HSP90B1: variants seen among roughly 807,000 people sequenced by gnomAD.
HSP90B1 encodes the protein endoplasmin.
In HSP90B1, 27 loss-of-function variants were observed where a neutral mutation model predicts 100.4. The observed-to-expected ratio is 0.27, with a 90% CI of 0.20 to 0.37. HSP90B1 has a LOEUF of 0.37. Among genes scored for constraint, HSP90B1 ranks in the 10% least tolerant of loss-of-function variants. The pLI is 1.00. For missense variants in HSP90B1, 678 were observed against 960.5 expected (o/e 0.71, Z 3.89); for synonymous variants, 304 against 330.8 (o/e 0.92, Z 0.88).
At position 103,947,907 on chromosome 12, in the gene HSP90B1, A is replaced by C; in HGVS notation, c.*245A>C. 2.0e-6 allele frequency: 1 copy of C among 507,138 alleles called. No individual in the cohort carries two copies. The highest frequency in any genetic ancestry group is 3.5e-6 in the Non-Finnish European group (1 of 286,058). The allele number at this position is 507,138 out of a possible 1,614,324, so 31.4% of individuals were successfully genotyped here. A position where few individuals can be genotyped will look rare whatever the true frequency, so the allele number is the denominator to read the frequency against. On this transcript the variant is annotated 3_prime_UTR_variant, in exon 18 of 18. Transcript: ENST00000299767. Reference sequence around the variant, plus strand: ...TGTAAAATCTTGTCATGTGTATAAAAATAAAAAAGATCCCAAATACTCAGT... The same window carrying C: ...TGTAAAATCTTGTCATGTGTATAAACATAAAAAAGATCCCAAATACTCAGT...
chr12:103,943,768 A>G lies in HSP90B1; in HGVS notation c.1921A>G (p.Thr641Ala). ...AAAGGCTGTGGTGTCTCAGCGCCTGACAGAATCTCCGTGTGCTTTGGTGGC... is the reference window on the plus strand; with the variant it reads ...AAAGGCTGTGGTGTCTCAGCGCCTGGCAGAATCTCCGTGTGCTTTGGTGGC... ...IEKAVVSQRL[T>A]ESPCALVASQ... is the part of the protein sequence containing the mutation. Residue 641 changes from threonine (T) to alanine (A), a missense_variant, in exon 14 of 18, where the codon ACA becomes GCA. Coordinates refer to ENST00000299767, the MANE Select transcript of HSP90B1 (RefSeq NM_003299.3). The surrounding 1 kb of genome is among the most constrained non-coding windows in gnomAD (Gnocchi z 5.3). 1 of 1,614,054 alleles carries G rather than the reference A, an allele frequency of 6.2e-7. No individual in the cohort carries two copies.
rs1593494148 is a variant in HSP90B1 at position 103,947,870 on chromosome 12, G to A, written c.*208G>A. 1 of 432,542 alleles carries A rather than the reference G, an allele frequency of 2.3e-6. No homozygotes were observed. Among genetic ancestry groups the A allele is most frequent in the Non-Finnish European group, 4.3e-6 (1 of 232,480 alleles). 26.8% of individuals were successfully genotyped at this position (432,542 alleles called of 1,614,324 possible). ...GAATGTAAATTTGTACTATTTAACT[G>A]ACTATTCTTGATGTAAAATCTTGTC... On this transcript the variant is annotated 3_prime_UTR_variant, in exon 18 of 18. Coordinates refer to ENST00000299767, the MANE Select transcript of HSP90B1 (RefSeq NM_003299.3).
At chr12:103,941,918 A>T (rs1566167281) in intron 11 of HSP90B1, 21 bp downstream of exon 11, 1 of 1,598,144 alleles carries the variant, frequency 6.3e-7, no homozygotes, top group Admixed American at 1.7e-5. Context: ...CTGGGAAGAA[A>T]CTCTCCACTT....
At chr12:103,946,570 C>G (rs1053193956) in intron 14 of HSP90B1, 48 bp from the exon 15 acceptor site, 16 of 1,350,494 alleles carry the variant, frequency 1.2e-5, no homozygotes, top group Non-Finnish European at 1.6e-5. Context: ...ACGTATGAAC[C>G]CTAAAATTGG....
rs753869109 is a variant in HSP90B1 at position 103,947,804 on chromosome 12, A to T, written c.*142A>T. On this transcript the variant is annotated 3_prime_UTR_variant, in exon 18 of 18. Transcript: ENST00000299767. ...AATGTGGGATTATGGGTCACAGGAA[A>T]AAGTGGGTTTTTTAGTTGAATTTTT... 1.3e-6 allele frequency: 1 copy of T among 756,736 alleles called. No homozygotes were observed. The highest frequency in any genetic ancestry group is 2.3e-6 in the Non-Finnish European group (1 of 431,898). 46.9% of individuals were successfully genotyped at this position (756,736 alleles called of 1,614,324 possible).
Position 103,938,242 on chromosome 12 carries a change from A to C in HSP90B1, c.856-98A>C, listed in dbSNP as rs993894735. The C allele has an allele frequency of 7.0e-6, 8 of 1,139,044 alleles. No individual in the cohort carries two copies. In the African/African-American group the frequency reaches 1.3e-4, roughly 18 times the overall value. The allele number at this position is 1,139,044 out of a possible 1,614,324, so 70.6% of individuals were successfully genotyped here. The stretch of plus-strand genomic sequence containing the variant: ...GGATACTCTCAGGGTTTTCTTACAA[A>C]AACCTATTTTTTGACCTGTAATGTT... On this transcript the variant is annotated intron_variant, in intron 6 of 17. Coordinates refer to ENST00000299767, the MANE Select transcript of HSP90B1 (RefSeq NM_003299.3).
At chr12:103,932,133 A>C in intron 2 of HSP90B1, 144 bp from the exon 3 acceptor site, 1 of 584,902 alleles carries the variant, frequency 1.7e-6, no homozygotes, top group Non-Finnish European at 3.0e-6. Flanking sequence ...ACATAATGAG[A>C]CGGTATATCA....
intron 3 of HSP90B1, 21 bp downstream of exon 3, chr12:103,932,439 A>G (rs763870143): frequency 6.3e-7 from 1 of 1,592,118 alleles, no homozygotes; most frequent in Middle Eastern, 1.7e-4. Context: ...TGTGGTTAGA[A>G]TATTTTATCT....
chr12:103,944,254 C>T (rs1437254293), intron 14 of HSP90B1, among the ~76,000 whole-genome samples: 1 of 152,090 alleles, frequency 6.6e-6, no homozygotes, highest in African/African-American at 2.4e-5. Context: ...TTTCAAATCA[C>T]GTCCCCCACA....
rs1323479949 is a variant in HSP90B1 at position 103,942,647 on chromosome 12, G to A, written c.1495G>A (p.Asp499Asn). 6.2e-7 allele frequency: 1 copy of A among 1,613,890 alleles called. No individual in the cohort carries two copies. The highest frequency in any genetic ancestry group is 8.5e-7 in the Non-Finnish European group (1 of 1,179,908). ...GTNIKLGVIE[D>N]HSNRTRLAKL... The stretch of plus-strand genomic sequence containing the variant: ...CAACATCAAGCTTGGTGTGATTGAA[G>A]ACCACTCGAATCGAACACGTCTTGC... Residue 499 changes from aspartate to asparagine, a missense_variant, in exon 12 of 18, where the codon GAC becomes AAC. Asp to Asn is a conservative substitution (Grantham distance 23). Transcript: ENST00000299767.
At position 103,931,587 on chromosome 12, in the gene HSP90B1, G is replaced by T; in HGVS notation, c.116G>T (p.Arg39Ile). ...GTAGAAGAGGATCTGGGTAAAAGTA[G>T]AGAAGGATCAAGGACGGATGATGAA... ...GTVEEDLGKS[R>I]EGSRTDDEVV... The change falls in exon 2 of 18, where the codon AGA (arginine) becomes ATA (isoleucine). Residue 39 changes from arginine (R) to isoleucine (I), a missense_variant. Coordinates refer to ENST00000299767, the MANE Select transcript of HSP90B1 (RefSeq NM_003299.3). The T allele has an allele frequency of 6.2e-7, 1 of 1,613,710 alleles. No homozygotes were observed. Among genetic ancestry groups the T allele is most frequent in the African/African-American group, 1.3e-5 (1 of 75,052 alleles).
Position 103,932,259 on chromosome 12 carries a change from C to A in HSP90B1, c.153-18C>A. On this transcript the variant is annotated intron_variant, in intron 2 of 17. Coordinates refer to ENST00000299767, the MANE Select transcript of HSP90B1 (RefSeq NM_003299.3). ...AACTATGCCATGCAATATTTGCTTA[C>A]CTAACTGATTTCCTTAGAGAGGAAG... The A allele has an allele frequency of 6.3e-7, 1 of 1,595,674 alleles. No individual in the cohort carries two copies. Among genetic ancestry groups the A allele is most frequent in the Non-Finnish European group, 8.5e-7 (1 of 1,171,430 alleles).
rs571691885 is a variant in HSP90B1, at chr12:103,932,375, G to A, written c.251G>A (p.Arg84Lys). The A allele has an allele frequency of 6.2e-7, 1 of 1,613,024 alleles. No homozygotes were observed. Among genetic ancestry groups the A allele is most frequent in the South Asian group, 1.1e-5 (1 of 90,842 alleles). Residue 84 changes from arginine to lysine, a missense_variant, in exon 3 of 18, where the codon AGA (arginine) becomes AAA (lysine). Around this residue, in one of 8 missense-constraint regions of HSP90B1, gnomAD observed 238 missense variants for 346.7 expected, o/e 0.69. Coordinates refer to ENST00000299767, the MANE Select transcript of HSP90B1 (RefSeq NM_003299.3). ...EKFAFQAEVN[R>K]MMKLIINSLY... is the part of the protein sequence containing the mutation. The stretch of plus-strand genomic sequence containing the variant: ...TTTGCCTTCCAAGCCGAAGTTAACA[G>A]AATGATGAAACTTATCATCAATTCA...
chr12:103,932,505 G>A (rs1461303950), intron 3 of HSP90B1, 87 bp downstream of exon 3: 1 of 1,188,566 alleles, frequency 8.4e-7, no homozygotes, highest in African/African-American at 1.5e-5. Context: ...CAAAAGTAAT[G>A]TAGTATCCAA....
In HSP90B1 at chr12:103,941,468, A is replaced by G; in HGVS notation, c.1151A>G (p.Lys384Arg). The change falls in exon 9 of 18, where the codon AAA (lysine) becomes AGA (arginine). Residue 384 changes from lysine to arginine, a missense_variant. Around this residue, in one of 8 missense-constraint regions of HSP90B1, gnomAD observed 44 missense variants for 110.8 expected, o/e 0.40. Transcript: ENST00000299767. ...HFTAEGEVTFKSILFVPTSAP... is the reference protein window; with the variant it reads ...HFTAEGEVTFRSILFVPTSAP... The stretch of plus-strand genomic sequence containing the variant: ...ACTGCTGAAGGGGAAGTTACCTTCA[A>G]ATCAATTTTATTTGTACCCACATCT... 1.2e-6 allele frequency: 2 copies of G among 1,613,456 alleles called. No homozygotes were observed. The highest frequency in any genetic ancestry group is 1.1e-5 in the South Asian group (1 of 91,048).
rs941060065 is a variant in HSP90B1, at chr12:103,930,741, T to TA, written c.49+184dup. 1.4e-5 allele frequency among the ~76,000 whole-genome samples: 2 copies of TA among 146,122 alleles called. No homozygotes were observed. The highest frequency in any genetic ancestry group is 5.1e-5 in the African/African-American group (2 of 39,218). The stretch of plus-strand genomic sequence containing the variant: ...GTTTATTCTCTTCTTCCTCTGGAAA[T>TA]AAAAAAAGAGAGCAACATCATCTAA... On this transcript the variant is annotated intron_variant, in intron 1 of 17. Coordinates refer to ENST00000299767, the MANE Select transcript of HSP90B1 (RefSeq NM_003299.3). This position sits in a 1 kb window ranked among gnomAD's most constrained non-coding sequence, Gnocchi z 4.4.
rs962400260 is a variant in HSP90B1 at position 103,946,696 on chromosome 12, G to C, written c.2106G>C (p.Lys702Asn). ...TCAGAGACATGCTTCGACGAATTAA[G>C]GTAGTATTAAAGCAGTCCTCTTGCT... Reference protein sequence around the residue: ...PLIRDMLRRIKEDEDDKTVLD... With the variant: ...PLIRDMLRRINEDEDDKTVLD... Residue 702 changes from lysine to asparagine, a missense_variant and splice_region_variant, in exon 15 of 18, where the codon AAG (lysine) becomes AAC (asparagine). Lys to Asn is a moderately conservative substitution (Grantham distance 94, BLOSUM62 0). This residue lies in a region of HSP90B1 where 64 missense variants were observed against 66.4 expected (regional missense o/e 0.96). Coordinates refer to ENST00000299767, the MANE Select transcript of HSP90B1 (RefSeq NM_003299.3). 2 of 1,613,828 alleles carry C rather than the reference G, an allele frequency of 1.2e-6. No homozygotes were observed. The highest frequency in any genetic ancestry group is 2.7e-5 in the African/African-American group (2 of 75,040).
intron 4 of HSP90B1, among the ~76,000 whole-genome samples, chr12:103,933,584 G>C (rs1245712322): frequency 6.6e-6 from 1 of 152,206 alleles, no homozygotes; most frequent in African/African-American, 2.4e-5. Flanking sequence ...GAATATTAAT[G>C]ATCCATCACA....
chr12:103,938,460 G>C lies in HSP90B1; in HGVS notation c.975+1G>C. ...AGAAAAGAAACCAAAGACTAAAAAA[G>C]TAAGTCTGGTTTATCTCCCTGCATA... On this transcript the variant is annotated splice_donor_variant, in intron 7 of 17. Coordinates refer to ENST00000299767, the MANE Select transcript of HSP90B1 (RefSeq NM_003299.3). LOFTEE classifies it high-confidence loss of function. The C allele has an allele frequency of 6.2e-7, 1 of 1,609,190 alleles. No individual in the cohort carries two copies. Among genetic ancestry groups the C allele is most frequent in the South Asian group, 1.1e-5 (1 of 90,168 alleles).
Sources: allele counts gnomAD v4.1 joint callset (sites outside exome capture counted in the v4.1 genomes callset), GRCh38; gene constraint gnomAD v4.1.1; regional missense constraint gnomAD v4.1.1; non-coding constraint Gnocchi (gnomAD v3.1); transcripts MANE v1.5; gene names NCBI Gene and HGNC (gene_info 2026-07-23, HGNC 2026-07-21).